Variants in MYOT observed in about 807,000 individuals in gnomAD.
The protein encoded by MYOT is myotilin.
In MYOT, 36 loss-of-function variants were observed where a neutral mutation model predicts 58.0. The ratio of observed to expected loss-of-function variants is 0.62; its 90% CI spans 0.48 to 0.82. MYOT has a LOEUF of 0.82. MYOT is among the 40% of genes least tolerant of loss of function. The pLI is 0.00. For missense variants in MYOT, 505 were observed against 592.1 expected, an observed-to-expected ratio of 0.85 and a Z score of 1.53; for synonymous variants, 218 against 204.6, an observed-to-expected ratio of 1.07 and a Z score of -0.56.
At chr5:137,881,940 T>G in intron 5 of MYOT, 33 bp from the exon 6 acceptor site, 1 of 1,609,668 alleles carries the variant, frequency 6.2e-7, no homozygotes, top group Non-Finnish European at 8.5e-7. Flanking sequence ...ATGATAATAT[T>G]TACGCATAGT....
intron 2 of MYOT, among the ~76,000 whole-genome samples, chr5:137,871,969 CT>C (rs1294535153): frequency 6.6e-6 from 1 of 152,114 alleles, no homozygotes; most frequent in Non-Finnish European, 1.5e-5. Flanking sequence ...TTCTCGCAGT[CT>C]TCTCTAGAGG....
Position 137,887,276 on chromosome 5 carries a change from A to G in MYOT, c.1388A>G (p.Tyr463Cys), listed in dbSNP as rs1393320781. ...CGGGTTCGACCAACATTCAGCAAATATTTAGCACTTAATGGGAAAGGTTTG... is the reference window on the plus strand; with the variant it reads ...CGGGTTCGACCAACATTCAGCAAATGTTTAGCACTTAATGGGAAAGGTTTG... ...QLRVRPTFSK[Y>C]LALNGKGLNV... The change falls in exon 10 of 10, where the codon TAT becomes TGT. Residue 463 changes from tyrosine to cysteine, a missense_variant. Physicochemically the swap from Tyr to Cys is radical, Grantham distance 194. Transcript: ENST00000239926. 1 of 1,614,048 alleles carries G rather than the reference A, an allele frequency of 6.2e-7. No homozygotes were observed. The highest frequency in any genetic ancestry group is 1.1e-5 in the South Asian group (1 of 91,084).
intron 3 of MYOT, 99 bp downstream of exon 3, chr5:137,876,102 C>A: frequency 1.6e-6 from 2 of 1,226,608 alleles, no homozygotes; most frequent in Non-Finnish European, 2.4e-6. Flanking sequence ...CATATATCAA[C>A]AAGGAATAAG....
intron 7 of MYOT, among the ~76,000 whole-genome samples, chr5:137,885,497 C>T (rs1020686915): frequency 9.2e-5 from 14 of 152,020 alleles, no homozygotes; most frequent in Admixed American, 2.0e-4. Flanking sequence ...TTGGGCCAGG[C>T]ACGGTGGCTC....
intron 4 of MYOT, 117 bp from the exon 5 acceptor site, chr5:137,880,699 C>T: frequency 1.2e-6 from 1 of 821,004 alleles, no homozygotes; most frequent in Non-Finnish European, 2.1e-6. Context: ...TAGAACTTAC[C>T]AGGGCTGTTC....
chr5:137,881,754 C>T (rs528108875), intron 5 of MYOT, among the ~76,000 whole-genome samples: 8 of 151,652 alleles, frequency 5.3e-5, no homozygotes, highest in African/African-American at 1.2e-4. Context: ...TGGAGTGCAG[C>T]GACGCGATCT....
At position 137,886,916 on chromosome 5, in the gene MYOT, A is replaced by C. The variant is rs1755619764; in HGVS notation, c.1243A>C (p.Lys415Gln). The C allele has an allele frequency of 6.2e-7, 1 of 1,601,020 alleles. No individual in the cohort carries two copies. Among genetic ancestry groups the C allele is most frequent in the Non-Finnish European group, 8.6e-7 (1 of 1,168,202 alleles). Residue 415 changes from lysine (K) to glutamine (Q), a missense_variant, in exon 9 of 10, where the codon AAG becomes CAG. Lys to Gln is a moderately conservative substitution (Grantham distance 53, BLOSUM62 1). Coordinates refer to ENST00000239926, the MANE Select transcript of MYOT (RefSeq NM_006790.3). Reference sequence around the variant, plus strand: ...TACTTTACTGATAAAAGATGTAAACAAGAAAGATGCTGGGTGGTATACTGT... The same window carrying C: ...TACTTTACTGATAAAAGATGTAAACCAGAAAGATGCTGGGTGGTATACTGT... The part of the protein sequence containing the change: ...RVTLLIKDVN[K>Q]KDAGWYTVSA...
intron 7 of MYOT, among the ~76,000 whole-genome samples, chr5:137,884,451 G>A (rs1580865264): frequency 1.3e-5 from 2 of 152,188 alleles, no homozygotes; most frequent in East Asian, 3.9e-4. Context: ...ACCAAAACAG[G>A]CCTACTTGCT....
intron 2 of MYOT, among the ~76,000 whole-genome samples, chr5:137,872,175 G>A (rs983967515): frequency 6.6e-6 from 1 of 152,086 alleles, no homozygotes; most frequent in Non-Finnish European, 1.5e-5. Flanking sequence ...AACTGTTTTT[G>A]ACCTACAAAA....
intron 4 of MYOT, chr5:137,880,515 G>A (rs1174920428): frequency 3.1e-6 from 1 of 323,050 alleles, no homozygotes; most frequent in African/African-American, 2.2e-5. Flanking sequence ...GCACCAGGGA[G>A]ACACATCACC....
chr5:137,872,179 T>C (rs1755072393), intron 2 of MYOT, among the ~76,000 whole-genome samples: 1 of 152,194 alleles, frequency 6.6e-6, no homozygotes, highest in Admixed American at 6.5e-5. Flanking sequence ...GTTTTTGACC[T>C]ACAAAAATGG....
chr5:137,872,998 T>G (rs1755097415), intron 2 of MYOT, among the ~76,000 whole-genome samples: 1 of 152,174 alleles, frequency 6.6e-6, no homozygotes, highest in African/African-American at 2.4e-5. Context: ...ATTTATCAAG[T>G]CGTAACACTT....
chr5:137,874,574 C>G (rs1478074544), intron 2 of MYOT, among the ~76,000 whole-genome samples: 1 of 152,180 alleles, frequency 6.6e-6, no homozygotes, highest in African/African-American at 2.4e-5. Context: ...AGCTACCTAA[C>G]AGATCTAAAA....
chr5:137,873,994 C>A (rs1221024609), intron 2 of MYOT, among the ~76,000 whole-genome samples: 1 of 152,156 alleles, frequency 6.6e-6, no homozygotes, highest in Non-Finnish European at 1.5e-5. Context: ...GGAGGAAATA[C>A]ATTTATACTT....
At chr5:137,870,043 C>CCAAG (rs1754989523) in intron 1 of MYOT, among the ~76,000 whole-genome samples, 1 of 149,364 alleles carries the variant, frequency 6.7e-6, no homozygotes, top group Non-Finnish European at 1.5e-5. Flanking sequence ...AACTCCAGCA[C>CCAAG]CAAGGGGGGC....
intron 7 of MYOT, 170 bp downstream of exon 7, chr5:137,883,761 T>C (rs375372825): frequency 8.9e-5 from 54 of 609,050 alleles, no homozygotes; most frequent in Admixed American, 1.7e-4. Flanking sequence ...TATATATATA[T>C]ACACACACAT....
At chr5:137,878,629 G>A (rs1175148994) in intron 4 of MYOT, among the ~76,000 whole-genome samples, 2 of 151,910 alleles carry the variant, frequency 1.3e-5, no homozygotes, top group Non-Finnish European at 2.9e-5. Context: ...TCGAGGGGAT[G>A]CTGGCCAAAA....
chr5:137,887,041 G>A, intron 9 of MYOT, 44 bp downstream of exon 9: 1 of 1,585,604 alleles, frequency 6.3e-7, no homozygotes. Context: ...GATTTAACTA[G>A]GAAGATTTAA....
chr5:137,874,454 G>A (rs943024726), intron 2 of MYOT, among the ~76,000 whole-genome samples: 9 of 151,898 alleles, frequency 5.9e-5, no homozygotes, highest in South Asian at 2.1e-4. Context: ...GCAACAGAGC[G>A]GGACTCCATC....
Sources: allele counts gnomAD v4.1 joint callset (sites outside exome capture counted in the v4.1 genomes callset), GRCh38; gene constraint gnomAD v4.1.1; transcripts MANE v1.5; gene names NCBI Gene and HGNC (gene_info 2026-07-23, HGNC 2026-07-21).